The following KLHL8 variants were observed in gnomAD, a reference collection of about 807,000 sequenced individuals.
KLHL8 encodes the protein kelch-like protein 8.
In KLHL8, 38 loss-of-function variants were observed where a neutral mutation model predicts 63.5. That is an observed-to-expected ratio of 0.60 (90% CI 0.46 to 0.78). KLHL8 has a LOEUF of 0.78. Among genes scored for constraint, KLHL8 ranks in the 30% least tolerant of loss-of-function variants. The pLI, the probability that KLHL8 is intolerant of heterozygous loss-of-function variation, is 0.00. For synonymous variants in KLHL8, 224 were observed against 254.3 expected, an observed-to-expected ratio of 0.88 and a Z score of 1.13; for missense variants, 566 against 752.4, an observed-to-expected ratio of 0.75 and a Z score of 2.90.
Position 87,160,962 on chromosome 4 carries a change from T to A in KLHL8, c.*2557A>T, listed in dbSNP as rs1730136656. ...TTTCAGCTGCATGATTCCTTCAGCC[T>A]GATTCTCATTTCATGTCTCAATAAA... On this transcript the variant is annotated 3_prime_UTR_variant, in exon 10 of 10. Coordinates refer to ENST00000273963, the MANE Select transcript of KLHL8 (RefSeq NM_020803.5). The A allele has an allele frequency of 6.6e-6, 1 of 152,180 alleles. No homozygotes were observed. The highest frequency in any genetic ancestry group is 2.4e-5 in the African/African-American group (1 of 41,452). The allele number at this position is 152,180 out of a possible 1,614,324, so 9.4% of individuals were successfully genotyped here.
In KLHL8 at chr4:87,164,966, G is replaced by C. The variant is rs1038332214; in HGVS notation, c.1538-887C>G. ...GATCGAGACCATCCTGGCTAACACG[G>C]TGAAACCCCGTCTCTACTAAAAATA... On this transcript the variant is annotated intron_variant, in intron 8 of 9. Coordinates refer to ENST00000273963, the MANE Select transcript of KLHL8 (RefSeq NM_020803.5). Among the ~76,000 whole-genome samples, 10 of 151,970 alleles carry C rather than the reference G, an allele frequency of 6.6e-5. No individual in the cohort carries two copies. In the South Asian group the frequency reaches 2.1e-3, roughly 32 times the overall value.
At chr4:87,203,738 T>C (rs1732008915) in intron 1 of KLHL8, among the ~76,000 whole-genome samples, 1 of 151,214 alleles carries the variant, frequency 6.6e-6, no homozygotes. Flanking sequence ...ACAGAAAAAC[T>C]TCATGACTCG....
upstream of KLHL8, among the ~76,000 whole-genome samples, chr4:87,224,415 A>G (rs536146471): frequency 6.6e-6 from 1 of 152,132 alleles, no homozygotes; most frequent in South Asian, 2.1e-4. Context: ...AGAATTTCAG[A>G]TGTGGCTTGC....
intron 6 of KLHL8, among the ~76,000 whole-genome samples, chr4:87,173,458 G>A (rs1730709264): frequency 6.6e-6 from 1 of 152,126 alleles, no homozygotes; most frequent in Non-Finnish European, 1.5e-5. Flanking sequence ...CATGCTGTCA[G>A]GATGATGGGT....
chr4:87,208,200 C>T (rs1732224092), intron 1 of KLHL8: 1 of 329,764 alleles, frequency 3.0e-6, no homozygotes, highest in Non-Finnish European at 6.0e-6. Context: ...AATCTCCCCT[C>T]CTCACTTTCC....
chr4:87,205,194 C>A (rs1299501383), intron 1 of KLHL8, among the ~76,000 whole-genome samples: 1 of 152,114 alleles, frequency 6.6e-6, no homozygotes, highest in Non-Finnish European at 1.5e-5. Flanking sequence ...ATCGCTTGGG[C>A]CCAGGAGTTC....
intron 4 of KLHL8, 96 bp from the exon 5 acceptor site, chr4:87,178,716 A>T: frequency 8.0e-7 from 1 of 1,247,648 alleles, no homozygotes; most frequent in Admixed American, 3.3e-5. Context: ...AAGACAAAAA[A>T]AAGTTATTTG....
At chr4:87,187,991 A>T (rs1365029565) in intron 2 of KLHL8, among the ~76,000 whole-genome samples, 7 of 152,302 alleles carry the variant, frequency 4.6e-5, no homozygotes, top group Non-Finnish European at 8.8e-5. Context: ...CCCCTTCCTC[A>T]GTCTTTTTTC....
In KLHL8 at chr4:87,164,045, A is replaced by C; in HGVS notation, c.1572T>G (p.Val524=). ...GFDDNSPLSS[V]ERYDPRSNKW... is the part of the protein sequence containing the mutation. ...TGTTGCTTCGGGGGTCATACCGCTC[A>C]ACTGAACTCAGAGGAGAATTATCAT... The change falls in exon 9 of 10, where the codon GTT becomes GTG. Residue 524 remains valine, a synonymous_variant. Coordinates refer to ENST00000273963, the MANE Select transcript of KLHL8 (RefSeq NM_020803.5). 1 of 1,614,224 alleles carries C rather than the reference A, an allele frequency of 6.2e-7. No homozygotes were observed. The highest frequency in any genetic ancestry group is 8.5e-7 in the Non-Finnish European group (1 of 1,180,030).
rs1398024564 is a variant in KLHL8 at position 87,226,813 on chromosome 4, A to T, written n.58-5423T>A. 9.0e-4 allele frequency among the ~76,000 whole-genome samples: 12 copies of T among 13,298 alleles called. 2 individuals carry two copies. The highest frequency in any genetic ancestry group is 1.3e-3 in the Non-Finnish European group (12 of 8,908). The allele number at this position is 13,298 out of a possible 152,430, so 8.7% of individuals were successfully genotyped here. On this transcript the variant is annotated intron_variant and non_coding_transcript_variant, in intron 1 of 1. Transcript: ENST00000506274. ...ATATATTATATATAATATATATTAT[A>T]TATAATATATATTATTTATAAATAA...
intron 8 of KLHL8, among the ~76,000 whole-genome samples, chr4:87,169,511 G>A (rs1012482357): frequency 2.0e-5 from 3 of 152,076 alleles, no homozygotes; most frequent in African/African-American, 4.8e-5. Flanking sequence ...AGAAAAATAA[G>A]GCTGTACATG....
intron 2 of KLHL8, among the ~76,000 whole-genome samples, chr4:87,195,048 T>C (rs1258341492): frequency 6.6e-6 from 1 of 152,200 alleles, no homozygotes; most frequent in African/African-American, 2.4e-5. Context: ...TCACTAATAA[T>C]ATTTGTTGTT....
intron 8 of KLHL8, among the ~76,000 whole-genome samples, chr4:87,164,890 T>A (rs1236273792): frequency 6.6e-6 from 1 of 152,106 alleles, no homozygotes; most frequent in Non-Finnish European, 1.5e-5. Flanking sequence ...GGCTCACGCC[T>A]GTAATCCCAG....
intron 1 of KLHL8, among the ~76,000 whole-genome samples, chr4:87,209,200 C>T (rs1429581990): frequency 6.6e-6 from 1 of 151,986 alleles, no homozygotes; most frequent in African/African-American, 2.4e-5. Flanking sequence ...TAAAAATATG[C>T]CTAAGATTCT....
intron 4 of KLHL8, among the ~76,000 whole-genome samples, chr4:87,181,371 T>G (rs1578370581): frequency 6.6e-6 from 1 of 151,354 alleles, no homozygotes; most frequent in Non-Finnish European, 1.5e-5. Flanking sequence ...GCGCCACTGC[T>G]CCCCAGCCTG....
intron 1 of KLHL8, among the ~76,000 whole-genome samples, chr4:87,229,329 A>G (rs551374799): frequency 1.3e-5 from 2 of 152,114 alleles, no homozygotes; most frequent in Admixed American, 6.5e-5. Context: ...CCTCTGCAGC[A>G]TGGACATTGA....
In KLHL8 at chr4:87,164,049, G is replaced by A. The variant is rs1401496526; in HGVS notation, c.1568C>T (p.Ser523Leu). ...GCTTCGGGGGTCATACCGCTCAACT[G>A]AACTCAGAGGAGAATTATCATCAAA... ...GGFDDNSPLS[S>L]VERYDPRSNK... The change falls in exon 9 of 10, where the codon TCA (serine) becomes TTA (leucine). Residue 523 changes from serine (S) to leucine (L), a missense_variant. Coordinates refer to ENST00000273963, the MANE Select transcript of KLHL8 (RefSeq NM_020803.5). 6.2e-7 allele frequency: 1 copy of A among 1,614,088 alleles called. No individual in the cohort carries two copies. Among genetic ancestry groups the A allele is most frequent in the Non-Finnish European group, 8.5e-7 (1 of 1,180,000 alleles).
At chr4:87,236,083 A>G (rs1237127681) in intron 1 of KLHL8, among the ~76,000 whole-genome samples, 3 of 152,308 alleles carry the variant, frequency 2.0e-5, no homozygotes, top group African/African-American at 7.2e-5. Context: ...GTAAGCCTTG[A>G]CACGAGGTTC....
intron 1 of KLHL8, among the ~76,000 whole-genome samples, chr4:87,199,850 A>G (rs1560708530): frequency 6.6e-6 from 1 of 151,630 alleles, no homozygotes; most frequent in Non-Finnish European, 1.5e-5. Context: ...ACAAACAAAC[A>G]AAAACCAAAA....
Sources: gnomAD v4.1 joint callset for allele counts (sites outside exome capture counted in the v4.1 genomes callset) on GRCh38, gnomAD v4.1.1 for gene constraint, MANE v1.5 for transcripts, NCBI Gene and HGNC (gene_info 2026-07-23, HGNC 2026-07-21) for gene names.